Variants in MEF2A observed in about 807,000 individuals in gnomAD.
MEF2A encodes myocyte enhancer factor 2A.
Under a neutral mutation model 55.8 loss-of-function variants are expected in MEF2A, and 28 were observed. The ratio of observed to expected loss-of-function variants is 0.50; its 90% CI spans 0.37 to 0.69. MEF2A has a LOEUF of 0.69. Among genes scored for constraint, MEF2A ranks in the 30% least tolerant of loss-of-function variants. The pLI, the probability that MEF2A is intolerant of heterozygous loss-of-function variation, is 0.00. For missense variants in MEF2A, 528 were observed against 626.2 expected (o/e 0.84, Z 1.67); for synonymous variants, 239 against 227.1 (o/e 1.05, Z -0.47).
At chr15:99,631,129 T>C (rs2042876543) in intron 2 of MEF2A, among the ~76,000 whole-genome samples, 1 of 152,196 alleles carries the variant, frequency 6.6e-6, no homozygotes, top group African/African-American at 2.4e-5. Flanking sequence ...TCCACCATTG[T>C]CAAAAGCAAA....
chr15:99,683,968 C>G (rs1315241194), intron 7 of MEF2A, among the ~76,000 whole-genome samples: 2 of 152,124 alleles, frequency 1.3e-5, no homozygotes, highest in Non-Finnish European at 2.9e-5. Flanking sequence ...GTTTGGTTTT[C>G]CATTCCTGAG....
intron 9 of MEF2A, chr15:99,706,511 CACTA>C (rs1465375652): frequency 5.8e-6 from 3 of 515,812 alleles, no homozygotes; most frequent in Non-Finnish European, 1.0e-5. Context: ...GGGTGTCTGA[CACTA>C]ATCAACTATT....
At position 99,667,068 on chromosome 15, in the gene MEF2A, T is replaced by A. The variant is rs571366504; in HGVS notation, c.259-4255T>A. On this transcript the variant is annotated intron_variant, in intron 4 of 11. Transcript: ENST00000557942. ...AAATTTTAAAGAACAGCATACTACT[T>A]CTTCCTTTTAAAAACCAATACTTGC... is the stretch of plus-strand genomic sequence containing the variant. Among the ~76,000 whole-genome samples the A allele has an allele frequency of 6.6e-5, 10 of 152,326 alleles. No individual in the cohort carries two copies. In the East Asian group the frequency reaches 7.7e-4, roughly 12 times the overall value.
At chr15:99,703,260 A>C in intron 8 of MEF2A, 102 bp from the exon 9 acceptor site, 3 of 1,079,262 alleles carry the variant, frequency 2.8e-6, no homozygotes, top group Non-Finnish European at 4.2e-6. Flanking sequence ...AGAGTTCCAG[A>C]CAGCTGCTAG....
chr15:99,601,851 GTGTGTGTC>G (rs1463474611), intron 2 of MEF2A, among the ~76,000 whole-genome samples: 781 of 44,740 alleles, frequency 0.017, 12 homozygotes, highest in South Asian at 0.084. Flanking sequence ...GTGTGTGTGT[GTGTGTGTC>G]AGGGTAATGC....
rs549883041 is a variant in MEF2A at position 99,677,123 on chromosome 15, AAAAT to A, written c.670+1689_670+1692del. ...GCGACAAGAGCAAAACGCTGTCTCA[AAAAT>A]AAATAAATAAATAAATAAATAAAAT... On this transcript the variant is annotated intron_variant, in intron 7 of 11. Coordinates refer to ENST00000557942, the MANE Select transcript of MEF2A (RefSeq NM_001319206.4). Among the ~76,000 whole-genome samples, 429 of 151,626 alleles carry A rather than the reference AAAAT, an allele frequency of 2.8e-3. 4 individuals carry two copies. Among genetic ancestry groups the A allele is most frequent in the Non-Finnish European group, 3.8e-3 (261 of 67,866 alleles).
chr15:99,711,881 G>T (rs1445981741), intron 11 of MEF2A, among the ~76,000 whole-genome samples: 1 of 152,216 alleles, frequency 6.6e-6, no homozygotes, highest in Non-Finnish European at 1.5e-5. Flanking sequence ...CAGGCCCGGG[G>T]AACAGCCTGT....
Position 99,671,469 on chromosome 15 carries a change from T to G in MEF2A, c.390+15T>G. 6.2e-7 allele frequency: 1 copy of G among 1,613,916 alleles called. No individual in the cohort carries two copies. Among genetic ancestry groups the G allele is most frequent in the South Asian group, 1.1e-5 (1 of 91,074 alleles). On this transcript the variant is annotated intron_variant, in intron 5 of 11. Coordinates refer to ENST00000557942, the MANE Select transcript of MEF2A (RefSeq NM_001319206.4). ...AACGAGGCCCTGTAAGTACTTTTAC[T>G]TTACCTCTACTTTTTATTTGTTGAT...
intron 2 of MEF2A, among the ~76,000 whole-genome samples, chr15:99,632,070 G>A (rs2043033193): frequency 6.6e-6 from 1 of 152,232 alleles, no homozygotes; most frequent in South Asian, 2.1e-4. Context: ...AAATGACACA[G>A]CCATCATTCA....
At chr15:99,690,704 A>C in intron 8 of MEF2A, 2 of 524,058 alleles carry the variant, frequency 3.8e-6, no homozygotes, top group Non-Finnish European at 7.3e-6. Flanking sequence ...AGCCAGGCAT[A>C]GAAAGATAGA....
chr15:99,639,817 A>G (rs2044566789), intron 3 of MEF2A, among the ~76,000 whole-genome samples: 2 of 152,050 alleles, frequency 1.3e-5, no homozygotes, highest in South Asian at 4.1e-4. Context: ...GGTCTTAGGA[A>G]AGTGAAATGC....
chr15:99,708,882 C>T (rs371812059), intron 10 of MEF2A, among the ~76,000 whole-genome samples: 7 of 151,928 alleles, frequency 4.6e-5, no homozygotes, highest in Non-Finnish European at 8.8e-5. Context: ...GCGGGCGGGA[C>T]GGGGCTGAAG....
chr15:99,613,010 A>G (rs1435364443), intron 2 of MEF2A, among the ~76,000 whole-genome samples: 1 of 152,172 alleles, frequency 6.6e-6, no homozygotes, highest in Non-Finnish European at 1.5e-5. Context: ...AAATGTGTGT[A>G]TAAATTGCAG....
At position 99,715,208 on chromosome 15, in the gene MEF2A, G is replaced by GTGTT. The variant is rs1331731811; in HGVS notation, c.*2438_*2441dup. Reference sequence around the variant, plus strand: ...TTGTAAACCATTTATAGCTTTGAAAGTGTTAAGTGATTCCTTCGTTATTAT... The same window carrying GTGTT: ...TTGTAAACCATTTATAGCTTTGAAAGTGTTTGTTAAGTGATTCCTTCGTTATTAT... On this transcript the variant is annotated 3_prime_UTR_variant, in exon 12 of 12. Transcript: ENST00000557942. The GTGTT allele has an allele frequency of 6.6e-6, 1 of 152,144 alleles. No individual in the cohort carries two copies. The highest frequency in any genetic ancestry group is 2.4e-5 in the African/African-American group (1 of 41,438). The allele number at this position is 152,144 out of a possible 1,614,324, so 9.4% of individuals were successfully genotyped here. A position where few individuals can be genotyped will look rare whatever the true frequency, so the allele number is the denominator to read the frequency against.
chr15:99,701,381 A>T (rs1372701679), intron 8 of MEF2A, among the ~76,000 whole-genome samples: 2 of 152,128 alleles, frequency 1.3e-5, no homozygotes, highest in Non-Finnish European at 2.9e-5. Flanking sequence ...CTCTTTCAAA[A>T]CAAGTTGTCA....
In MEF2A at chr15:99,633,059, A is replaced by G; in HGVS notation, c.-61A>G. ...TGTGTACGATGCATTAGGGTATTGAAGAAAATTAACTTTTGAATTAAATAT... is the reference window on the plus strand; with the variant it reads ...TGTGTACGATGCATTAGGGTATTGAGGAAAATTAACTTTTGAATTAAATAT... On this transcript the variant is annotated 5_prime_UTR_variant, in exon 3 of 12. Transcript: ENST00000557942. 1 of 1,437,328 alleles carries G rather than the reference A, an allele frequency of 7.0e-7. No individual in the cohort carries two copies. The highest frequency in any genetic ancestry group is 9.6e-7 in the Non-Finnish European group (1 of 1,042,282). 89.0% of individuals were successfully genotyped at this position (1,437,328 alleles called of 1,614,324 possible). A position where few individuals can be genotyped will look rare whatever the true frequency, so the allele number is the denominator to read the frequency against.
rs1440866228 is a variant in MEF2A at position 99,671,463 on chromosome 15, TTTTAC to T, written c.390+15_390+19del. 2 of 1,613,770 alleles carry T rather than the reference TTTTAC, an allele frequency of 1.2e-6. No homozygotes were observed. Among genetic ancestry groups the T allele is most frequent in the Non-Finnish European group, 1.7e-6 (2 of 1,179,794 alleles). ...TTTTCAAACGAGGCCCTGTAAGTAC[TTTTAC>T]TTTACCTCTACTTTTTATTTGTTGA... On this transcript the variant is annotated intron_variant, in intron 5 of 11. Coordinates refer to ENST00000557942, the MANE Select transcript of MEF2A (RefSeq NM_001319206.4).
chr15:99,669,591 A>G (rs2050454785), intron 4 of MEF2A, among the ~76,000 whole-genome samples: 1 of 152,252 alleles, frequency 6.6e-6, no homozygotes, highest in Non-Finnish European at 1.5e-5. Context: ...TGTTGGAGAA[A>G]TAGATGTTGT....
chr15:99,687,899 T>C (rs2054607342), intron 7 of MEF2A, among the ~76,000 whole-genome samples: 1 of 152,232 alleles, frequency 6.6e-6, no homozygotes, highest in Non-Finnish European at 1.5e-5. Flanking sequence ...ATTTGAATTT[T>C]TTTAATTTCC....
Sources: allele counts gnomAD v4.1 joint callset (sites outside exome capture counted in the v4.1 genomes callset), GRCh38; gene constraint gnomAD v4.1.1; transcripts MANE v1.5; gene names NCBI Gene and HGNC (gene_info 2026-07-23, HGNC 2026-07-21).